CALN1: variants seen among roughly 807,000 people sequenced by gnomAD.
CALN1 encodes calneuron 1.
In CALN1, 17 loss-of-function variants were observed where a neutral mutation model predicts 30.6. The ratio of observed to expected loss-of-function variants is 0.56; its 90% CI spans 0.38 to 0.83. The LOEUF (loss-of-function observed/expected upper bound fraction) is 0.83, where lower values mean the gene tolerates loss of function less well. Ranked by LOEUF, CALN1 falls within the 40% of genes least tolerant of loss-of-function variation. The probability of loss-of-function intolerance (pLI) is 0.00; values close to 1 mark genes in which losing one functional copy is unlikely to be tolerated. For synonymous variants in CALN1, 156 were observed against 131.4 expected, an observed-to-expected ratio of 1.19 and a Z score of -1.28; for missense variants, 291 against 354.9, an observed-to-expected ratio of 0.82 and a Z score of 1.45.
chr7:72,185,380 G>C (rs1790113148), intron 3 of CALN1, among the ~76,000 whole-genome samples: 2 of 152,178 alleles, frequency 1.3e-5, no homozygotes, highest in African/African-American at 4.8e-5. Context: ...AGAAAAACCA[G>C]AGATAGACCT....
At chr7:72,487,734 A>AAAGAAAGGAAGGAAGGAAGGAAGGAAGG in the CALN1 span, among the ~76,000 whole-genome samples, 2 of 56,620 alleles carry the variant, frequency 3.5e-5, no homozygotes, top group African/African-American at 1.1e-4. Flanking sequence ...AGAAAGAAAG[A>AAAGAAAGGAAGGAAGGAAGGAAGGAAGG]AAGGAAGGAA....
chr7:72,366,319 G>A (rs896517342), intron 2 of CALN1, among the ~76,000 whole-genome samples: 2 of 151,950 alleles, frequency 1.3e-5, no homozygotes, highest in African/African-American at 4.8e-5. Context: ...GATTACAGGT[G>A]CACACACCAC....
At chr7:72,398,545 G>A (rs887020438) in intron 2 of CALN1, among the ~76,000 whole-genome samples, 5 of 152,212 alleles carry the variant, frequency 3.3e-5, no homozygotes, top group African/African-American at 1.2e-4. Flanking sequence ...ACACCATAGT[G>A]GTAGGGTTAT....
At position 72,241,389 on chromosome 7, in the gene CALN1, T is replaced by C. The variant is rs561309782; in HGVS notation, c.244+37297A>G. Among the ~76,000 whole-genome samples, 243 of 152,042 alleles carry C rather than the reference T, an allele frequency of 1.6e-3. 10 individuals are homozygous for C. In the South Asian group the frequency reaches 0.046, roughly 29 times the overall value. ...AGAATGGTACGAGCACATTCTGTTT[T>C]CCCCCCCACACATTTACTTAAACAA... On this transcript the variant is annotated intron_variant, in intron 3 of 6. Transcript: ENST00000395275.
Position 72,397,542 on chromosome 7 carries a change from G to T in CALN1, c.119+5709C>A, listed in dbSNP as rs75532417. On this transcript the variant is annotated intron_variant, in intron 2 of 6. Coordinates refer to ENST00000395275, the MANE Select transcript of CALN1 (RefSeq NM_031468.4). Reference sequence around the variant, plus strand: ...TCCAGGAGTGAAGGGGTGACTAGAAGAAAAGCAGGTCACAGCAATGAGGAA... The same window carrying T: ...TCCAGGAGTGAAGGGGTGACTAGAATAAAAGCAGGTCACAGCAATGAGGAA... Among the ~76,000 whole-genome samples the T allele has an allele frequency of 6.3e-3, 956 of 152,272 alleles. 8 individuals carry two copies. Among genetic ancestry groups the T allele is most frequent in the South Asian group, 0.03 (145 of 4,824 alleles).
intron 2 of CALN1, among the ~76,000 whole-genome samples, chr7:72,315,518 A>G (rs926006124): frequency 2.6e-5 from 4 of 151,892 alleles, no homozygotes; most frequent in Non-Finnish European, 5.9e-5. Context: ...ACCAGCCTGG[A>G]AAACACAGCA....
the CALN1 span, among the ~76,000 whole-genome samples, chr7:72,476,513 T>C: frequency 2.0e-5 from 3 of 152,170 alleles, no homozygotes; most frequent in Admixed American, 2.0e-4. Context: ...CCTATGAGCA[T>C]AGTGCAGTGA....
At chr7:72,191,954 T>C (rs946677197) in intron 3 of CALN1, among the ~76,000 whole-genome samples, 1 of 152,134 alleles carries the variant, frequency 6.6e-6, no homozygotes, top group Admixed American at 6.5e-5. Flanking sequence ...TTACCTTTAA[T>C]GGCAAAAAAC....
chr7:72,411,260 G>T (rs891379710), intron 1 of CALN1, among the ~76,000 whole-genome samples: 2 of 152,108 alleles, frequency 1.3e-5, no homozygotes, highest in African/African-American at 4.8e-5. Flanking sequence ...TAACTACAGA[G>T]AAAACCGTTT....
At chr7:71,852,354 C>T (rs867106558) in intron 5 of CALN1, among the ~76,000 whole-genome samples, 38 of 151,648 alleles carry the variant, frequency 2.5e-4, no homozygotes, top group African/African-American at 6.5e-4. Flanking sequence ...AAGAAACTGC[C>T]GACTGGGCAC....
At chr7:72,181,059 C>G (rs1789748793) in intron 3 of CALN1, among the ~76,000 whole-genome samples, 1 of 146,144 alleles carries the variant, frequency 6.8e-6, no homozygotes, top group South Asian at 2.2e-4. Flanking sequence ...GATCACGCCA[C>G]TGCACTCCAG....
intron 2 of CALN1, among the ~76,000 whole-genome samples, chr7:72,346,679 C>A (rs1585551436): frequency 6.6e-6 from 1 of 152,058 alleles, no homozygotes; most frequent in South Asian, 2.1e-4. Flanking sequence ...CCAAGCCCAG[C>A]TAATTTTGTG....
At chr7:72,473,888 C>T in the CALN1 span, among the ~76,000 whole-genome samples, 4 of 150,524 alleles carry the variant, frequency 2.7e-5, no homozygotes, top group African/African-American at 9.8e-5. Flanking sequence ...GAGATCACAC[C>T]ACTGCCCTCC....
chr7:71,963,249 G>A (rs1444976452), intron 5 of CALN1, among the ~76,000 whole-genome samples: 5 of 152,032 alleles, frequency 3.3e-5, no homozygotes, highest in South Asian at 2.1e-4. Context: ...TGCAACCTCC[G>A]ACTCCCTGGT....
rs147630710 is a variant in CALN1 at position 72,254,738 on chromosome 7, C to A, written c.244+23948G>T. Among the ~76,000 whole-genome samples, 340 of 152,134 alleles carry A rather than the reference C, an allele frequency of 2.2e-3. 2 individuals carry two copies. Among genetic ancestry groups the A allele is most frequent in the African/African-American group, 7.9e-3 (329 of 41,532 alleles). The stretch of plus-strand genomic sequence containing the variant: ...AAGCCATTAGCACTTACCTTCACAT[C>A]TTAGCTCACTTACATAAATATTCTT... On this transcript the variant is annotated intron_variant, in intron 3 of 6. Coordinates refer to ENST00000395275, the MANE Select transcript of CALN1 (RefSeq NM_031468.4).
Position 71,901,426 on chromosome 7 carries a change from CAAAA to C in CALN1, c.502-90938_502-90935del, listed in dbSNP as rs35289312. The stretch of plus-strand genomic sequence containing the variant: ...AACAATCCTATAATTCATATGGAAC[CAAAA>C]AAAAAAAAAAAATAGAGCCAGAATA... On this transcript the variant is annotated intron_variant, in intron 5 of 6. Coordinates refer to ENST00000395275, the MANE Select transcript of CALN1 (RefSeq NM_031468.4). Among the ~76,000 whole-genome samples, 357 of 132,674 alleles carry C rather than the reference CAAAA, an allele frequency of 2.7e-3. 1 individual carries two copies. The highest frequency in any genetic ancestry group is 8.9e-3 in the African/African-American group (325 of 36,648). 87.0% of individuals were successfully genotyped at this position (132,674 alleles called of 152,430 possible).
intron 5 of CALN1, among the ~76,000 whole-genome samples, chr7:71,866,134 T>C (rs2116699000): frequency 6.6e-6 from 1 of 151,732 alleles, no homozygotes; most frequent in Non-Finnish European, 1.5e-5. Context: ...GCCTCCCGAG[T>C]AGCTGGGACT....
chr7:71,942,257 T>C (rs184101590), intron 5 of CALN1: 164 of 199,760 alleles, frequency 8.2e-4, no homozygotes, highest in Non-Finnish European at 1.5e-3. Context: ...CACGCCGCCG[T>C]CATGGACACC....
At chr7:72,329,773 G>A (rs1172195134) in intron 2 of CALN1, among the ~76,000 whole-genome samples, 1 of 151,684 alleles carries the variant, frequency 6.6e-6, no homozygotes, top group Non-Finnish European at 1.5e-5. Flanking sequence ...GGCCAACATG[G>A]TGAGACCCCG....
Sources: gnomAD v4.1 joint callset for allele counts (sites outside exome capture counted in the v4.1 genomes callset) on GRCh38, gnomAD v4.1.1 for gene constraint, MANE v1.5 for transcripts, NCBI Gene and HGNC (gene_info 2026-07-23, HGNC 2026-07-21) for gene names.